TANGO6: variants seen among roughly 807,000 people sequenced by gnomAD.
TANGO6 encodes the protein transport and golgi organization 6 homolog, also known as transport and Golgi organization protein 6 homolog.
In TANGO6, 90 loss-of-function variants were observed where a neutral mutation model predicts 114.2. The ratio of observed to expected loss-of-function variants is 0.79; its 90% CI spans 0.66 to 0.94. The LOEUF (loss-of-function observed/expected upper bound fraction) is 0.94. TANGO6 is among the 40% of genes least tolerant of loss of function. The pLI is 0.00. For missense variants in TANGO6, 1,274 were observed against 1,315.3 expected, an observed-to-expected ratio of 0.97 and a Z score of 0.49; for synonymous variants, 477 against 509.8, an observed-to-expected ratio of 0.94 and a Z score of 0.87.
rs772670756 is a variant in TANGO6 at position 68,927,818 on chromosome 16, G to A, written c.2378G>A (p.Ser793Asn). Residue 793 changes from serine (S) to asparagine (N), a missense_variant, in exon 13 of 18, where the codon AGC becomes AAC. By Grantham distance (46) the Ser-to-Asn change is conservative. Around this residue, in one of 5 missense-constraint regions of TANGO6, gnomAD observed 908 missense variants for 910.2 expected, o/e 1.00. Transcript: ENST00000261778. ...SHERPTDVAH[S>N]HLEQQQSHET... is the part of the protein sequence containing the mutation. ...GAAAGACCCACTGATGTAGCTCATA[G>A]CCACCTTGAACAACAGCAGAGCCAT... The A allele has an allele frequency of 6.2e-7, 1 of 1,613,994 alleles. No homozygotes were observed. Among genetic ancestry groups the A allele is most frequent in the Non-Finnish European group, 8.5e-7 (1 of 1,179,878 alleles).
chr16:69,029,096 A>C (rs767754846), intron 16 of TANGO6, among the ~76,000 whole-genome samples: 2 of 152,180 alleles, frequency 1.3e-5, no homozygotes, highest in Non-Finnish European at 2.9e-5. Flanking sequence ...GCATGCTAGC[A>C]GCATATGATT....
At chr16:69,073,534 C>G (rs1960326757) in intron 17 of TANGO6, among the ~76,000 whole-genome samples, 4 of 152,306 alleles carry the variant, frequency 2.6e-5, no homozygotes, top group South Asian at 4.1e-4. Context: ...GCCCATAGTA[C>G]TGATTATTGA....
At chr16:68,888,593 C>G (rs1291069069) in intron 7 of TANGO6, among the ~76,000 whole-genome samples, 1 of 152,176 alleles carries the variant, frequency 6.6e-6, no homozygotes, top group East Asian at 1.9e-4. Flanking sequence ...TTTTATCTCT[C>G]TGTTTCCAGA....
Position 69,083,350 on chromosome 16 carries a change from C to T in TANGO6, c.3109-135C>T. On this transcript the variant is annotated intron_variant, in intron 17 of 17. Coordinates refer to ENST00000261778, the MANE Select transcript of TANGO6 (RefSeq NM_024562.2). ...TGCGGATTACAGGCATGAGCCACTG[C>T]ACCCAGCCACATTATCTTCAGGAAG... 3.5e-6 allele frequency: 4 copies of T among 1,152,146 alleles called. No homozygotes were observed. In the South Asian group the frequency reaches 5.2e-5, roughly 15 times the overall value. The allele number at this position is 1,152,146 out of a possible 1,614,324, so 71.4% of individuals were successfully genotyped here. A position where few individuals can be genotyped will look rare whatever the true frequency, so the allele number is the denominator to read the frequency against.
intron 7 of TANGO6, among the ~76,000 whole-genome samples, chr16:68,884,705 G>T (rs922077192): frequency 6.6e-6 from 1 of 151,626 alleles, no homozygotes; most frequent in African/African-American, 2.4e-5. Context: ...TAAACTTAGA[G>T]GGAGAAAAAA....
chr16:69,082,159 A>ATTTT (rs1185592958), intron 17 of TANGO6, among the ~76,000 whole-genome samples: 1 of 152,038 alleles, frequency 6.6e-6, no homozygotes, highest in Non-Finnish European at 1.5e-5. Flanking sequence ...AATTTTTTAT[A>ATTTT]TTTTTAGCAG....
Position 68,859,918 on chromosome 16 carries a change from T to C in TANGO6, c.129T>C (p.His43=). ...SGSSSLQVTK[H]DVLLATLKSN... ...CAAGTTCACTACAGGTCACAAAACA[T>C]GATGTCTTGTTGGCTACTTTAAAAT... The change falls in exon 2 of 18, where the codon CAT becomes CAC. Residue 43 remains histidine (H), a synonymous_variant. Coordinates refer to ENST00000261778, the MANE Select transcript of TANGO6 (RefSeq NM_024562.2). 10 of 1,598,768 alleles carry C rather than the reference T, an allele frequency of 6.3e-6. No homozygotes were observed. The highest frequency in any genetic ancestry group is 8.5e-6 in the Non-Finnish European group (10 of 1,172,036).
At chr16:68,909,960 A>G (rs1962901212) in intron 11 of TANGO6, among the ~76,000 whole-genome samples, 1 of 152,242 alleles carries the variant, frequency 6.6e-6, no homozygotes. Flanking sequence ...GTTTTAAAAA[A>G]TGCTTTTAGA....
intron 9 of TANGO6, among the ~76,000 whole-genome samples, chr16:68,907,127 T>A (rs1454137442): frequency 6.7e-6 from 1 of 148,958 alleles, no homozygotes; most frequent in African/African-American, 2.5e-5. Context: ...TTTTGTATTT[T>A]TAGTAGAGAT....
intron 16 of TANGO6, among the ~76,000 whole-genome samples, chr16:69,039,433 C>T (rs1959740535): frequency 1.3e-5 from 2 of 151,898 alleles, no homozygotes; most frequent in African/African-American, 4.8e-5. Context: ...CCCAGGGGTT[C>T]AAGACCAGCT....
intron 11 of TANGO6, among the ~76,000 whole-genome samples, chr16:68,911,565 T>C (rs534072935): frequency 1.3e-5 from 2 of 152,072 alleles, no homozygotes; most frequent in East Asian, 3.9e-4. Flanking sequence ...TACAGGCACA[T>C]GCCACCACGC....
intron 11 of TANGO6, among the ~76,000 whole-genome samples, chr16:68,918,496 A>G (rs1225787482): frequency 1.3e-5 from 2 of 152,196 alleles, no homozygotes; most frequent in Admixed American, 1.3e-4. Context: ...TGTATTTTGC[A>G]TTGCAGTCCG....
At chr16:68,864,078 T>G (rs1962141122) in intron 3 of TANGO6, among the ~76,000 whole-genome samples, 1 of 150,958 alleles carries the variant, frequency 6.6e-6, no homozygotes, top group African/African-American at 2.4e-5. Flanking sequence ...GGAGGCTGAG[T>G]CAGGAGAATC....
At chr16:69,065,755 C>T (rs986693464) in intron 17 of TANGO6, among the ~76,000 whole-genome samples, 1 of 152,170 alleles carries the variant, frequency 6.6e-6, no homozygotes, top group Non-Finnish European at 1.5e-5. Flanking sequence ...CCTTTCTTTA[C>T]TGACCGTCCT....
At chr16:69,017,234 CA>C (rs1468671996) in intron 15 of TANGO6, among the ~76,000 whole-genome samples, 2 of 152,106 alleles carry the variant, frequency 1.3e-5, no homozygotes, top group Non-Finnish European at 2.9e-5. Context: ...ATTGCTTGGT[CA>C]GTATTTTTCC....
intron 14 of TANGO6, among the ~76,000 whole-genome samples, chr16:68,960,478 T>A (rs1216256403): frequency 6.6e-6 from 1 of 151,446 alleles, no homozygotes; most frequent in African/African-American, 2.4e-5. Context: ...TTTAAATTAT[T>A]TTTTATTTAA....
chr16:68,975,342 G>C (rs1396226863), intron 15 of TANGO6, among the ~76,000 whole-genome samples: 1 of 151,664 alleles, frequency 6.6e-6, no homozygotes, highest in Non-Finnish European at 1.5e-5. Context: ...TAAGGGATAG[G>C]CTCTAGACTT....
chr16:68,953,612 C>T (rs1472268791), intron 14 of TANGO6, among the ~76,000 whole-genome samples: 3 of 152,150 alleles, frequency 2.0e-5, no homozygotes, highest in Non-Finnish European at 4.4e-5. Flanking sequence ...TCCAACTTTA[C>T]TAGATAAAGG....
At chr16:69,019,018 GTTTC>G (rs1190382430) in intron 15 of TANGO6, among the ~76,000 whole-genome samples, 1 of 152,198 alleles carries the variant, frequency 6.6e-6, no homozygotes, top group Non-Finnish European at 1.5e-5. Context: ...GGTTCTGGTA[GTTTC>G]TTTCACTTTA....
Sources: gnomAD v4.1 joint callset for allele counts (sites outside exome capture counted in the v4.1 genomes callset) on GRCh38, gnomAD v4.1.1 for gene constraint, gnomAD v4.1.1 regional missense constraint, MANE v1.5 for transcripts, NCBI Gene and HGNC (gene_info 2026-07-23, HGNC 2026-07-21) for gene names.